ENPP1: variants seen among roughly 807,000 people sequenced by gnomAD.
ENPP1 encodes the protein ectonucleotide pyrophosphatase/phosphodiesterase 1, also known as ectonucleotide pyrophosphatase/phosphodiesterase family member 1.
Under a neutral mutation model 122.8 loss-of-function variants are expected in ENPP1, and 73 were observed. The observed-to-expected ratio is 0.59, with a 90% CI of 0.49 to 0.72. The LOEUF is 0.72. Ranked by LOEUF, ENPP1 falls within the 30% of genes least tolerant of loss-of-function variation. ENPP1 has a pLI of 0.00. For synonymous variants in ENPP1, 367 were observed against 391.6 expected (o/e 0.94, Z 0.74); for missense variants, 978 against 1,128.1 (o/e 0.87, Z 1.91).
At chr6:131,877,379 T>C (rs1474414692) in intron 18 of ENPP1, 3 of 573,060 alleles carry the variant, frequency 5.2e-6, no homozygotes, top group African/African-American at 1.9e-5. Context: ...TCCTTGGAGC[T>C]GTGACTTGAC....
intron 1 of ENPP1, among the ~76,000 whole-genome samples, chr6:131,836,744 T>A (rs903565195): frequency 2.6e-5 from 4 of 152,222 alleles, no homozygotes; most frequent in Non-Finnish European, 2.9e-5. Context: ...AAAATTGCTG[T>A]GATAAGTCTT....
intron 1 of ENPP1, among the ~76,000 whole-genome samples, chr6:131,843,454 T>C (rs1415270351): frequency 1.3e-5 from 2 of 152,184 alleles, no homozygotes; most frequent in Non-Finnish European, 2.9e-5. Context: ...ATAAACCATG[T>C]GTATTTTAAA....
chr6:131,810,328 A>G (rs144132586), intron 1 of ENPP1, among the ~76,000 whole-genome samples: 5 of 152,298 alleles, frequency 3.3e-5, no homozygotes, highest in South Asian at 4.1e-4. Flanking sequence ...ACTGCACTTC[A>G]GCTTGGGTGA....
rs550926981 is a variant in ENPP1 at position 131,850,683 on chromosome 6, C to G, written c.431-459C>G. On this transcript the variant is annotated intron_variant, in intron 3 of 24. Coordinates refer to ENST00000647893, the MANE Select transcript of ENPP1 (RefSeq NM_006208.3). ...TCCTGGGCTCAAGAGATCCTCCTGC[C>G]TCAGCCTCCCAAGTAGCTGGAACTA... Among the ~76,000 whole-genome samples the G allele has an allele frequency of 1.8e-4, 27 of 152,278 alleles. 1 individual carries two copies. In the South Asian group the frequency reaches 5.4e-3, roughly 30 times the overall value.
At chr6:131,843,381 G>T (rs56063683) in intron 1 of ENPP1, among the ~76,000 whole-genome samples, 3,425 of 152,246 alleles carry the variant, frequency 0.022, 148 homozygotes, top group African/African-American at 0.078. Flanking sequence ...TAATAATGAA[G>T]AGGTGATTTT....
rs746150115 is a variant in ENPP1 at position 131,851,275 on chromosome 6, G to C, written c.556+8G>C. 1 of 1,614,090 alleles carries C rather than the reference G, an allele frequency of 6.2e-7. No individual in the cohort carries two copies. Among genetic ancestry groups the C allele is most frequent in the Non-Finnish European group, 8.5e-7 (1 of 1,179,950 alleles). On this transcript the variant is annotated splice_region_variant and intron_variant, in intron 4 of 24. Transcript: ENST00000647893. ...ACAGTTCTGTGTGTCAAGGTCAGGT[G>C]CTCGTTGGGCTCTGCAGCAGCCTGG...
At chr6:131,886,838 A>G (rs888534354) in intron 24 of ENPP1, 114 bp downstream of exon 24, 15 of 777,872 alleles carry the variant, frequency 1.9e-5, no homozygotes, top group Non-Finnish European at 2.3e-5. Context: ...GTACACATGG[A>G]CTTCGAAATT....
Position 131,882,058 on chromosome 6 carries a change from T to A in ENPP1, c.2101-287T>A, listed in dbSNP as rs116115890. Among the ~76,000 whole-genome samples the A allele has an allele frequency of 9.8e-3, 1,482 of 151,262 alleles. 36 individuals are homozygous for A. The highest frequency in any genetic ancestry group is 0.032 in the African/African-American group (1,301 of 41,232). ...ATAAATAAATAAATAAATAAATAAA[T>A]ATTTAAAATTGTGTAGATAAAATCA... On this transcript the variant is annotated intron_variant, in intron 20 of 24. Coordinates refer to ENST00000647893, the MANE Select transcript of ENPP1 (RefSeq NM_006208.3).
At chr6:131,855,143 C>A (rs1346869406) in intron 6 of ENPP1, 120 bp downstream of exon 6, 4 of 767,444 alleles carry the variant, frequency 5.2e-6, no homozygotes, top group Non-Finnish European at 7.0e-6. Context: ...TTTTCTATGG[C>A]AAAGTAGTTG....
At chr6:131,823,579 T>A (rs1181886009) in intron 1 of ENPP1, among the ~76,000 whole-genome samples, 3 of 152,100 alleles carry the variant, frequency 2.0e-5, no homozygotes, top group African/African-American at 7.2e-5. Context: ...ATCTGTTTTC[T>A]ACCCCACCGT....
chr6:131,862,821 TA>T (rs1466422597), intron 9 of ENPP1, among the ~76,000 whole-genome samples: 1 of 152,220 alleles, frequency 6.6e-6, no homozygotes, highest in African/African-American at 2.4e-5. Flanking sequence ...GCATGGCCCC[TA>T]AACTATAATT....
At chr6:131,815,247 C>T (rs913478393) in intron 1 of ENPP1, among the ~76,000 whole-genome samples, 27 of 152,292 alleles carry the variant, frequency 1.8e-4, no homozygotes, top group South Asian at 2.1e-4. Context: ...GGTACAGACA[C>T]TCCAAGTGTG....
Position 131,847,856 on chromosome 6 carries a change from G to GGTGTGTGT in ENPP1, c.313+39_313+46dup, listed in dbSNP as rs59956343. 4.3e-4 allele frequency: 507 copies of GGTGTGTGT among 1,181,914 alleles called. 1 individual carries two copies. The highest frequency in any genetic ancestry group is 2.3e-3 in the African/African-American group (133 of 58,794). The allele number at this position is 1,181,914 out of a possible 1,614,324, so 73.2% of individuals were successfully genotyped here. A position where few individuals can be genotyped will look rare whatever the true frequency, so the allele number is the denominator to read the frequency against. On this transcript the variant is annotated intron_variant, in intron 2 of 24. Coordinates refer to ENST00000647893, the MANE Select transcript of ENPP1 (RefSeq NM_006208.3). ...CAAGCTGTGCCAAAGAAGGTAATTA[G>GGTGTGTGT]GTGTGTGTGTGTGTGTGTGTGTGTG...
chr6:131,847,975 C>T, intron 2 of ENPP1, 127 bp downstream of exon 2: 1 of 687,492 alleles, frequency 1.5e-6, no homozygotes, highest in Non-Finnish European at 2.4e-6. Context: ...TAGATATTGT[C>T]AATTCAACGC....
intron 24 of ENPP1, among the ~76,000 whole-genome samples, chr6:131,889,870 T>A (rs1397849277): frequency 6.6e-6 from 1 of 152,206 alleles, no homozygotes; most frequent in Non-Finnish European, 1.5e-5. Context: ...TGCCACACTG[T>A]CTTCCACAGT....
At chr6:131,836,785 AC>A (rs1781680122) in intron 1 of ENPP1, among the ~76,000 whole-genome samples, 1 of 152,204 alleles carries the variant, frequency 6.6e-6, no homozygotes. Context: ...TCCTGTCTTA[AC>A]ATTACTCATT....
intron 7 of ENPP1, 65 bp downstream of exon 7, chr6:131,858,812 G>A (rs1781981390): frequency 3.5e-6 from 4 of 1,153,862 alleles, no homozygotes; most frequent in East Asian, 4.7e-5. Context: ...CATTTTTTGA[G>A]GGAATAGATT....
At chr6:131,873,102 AGGGTAACCATT>A (rs746501069) in intron 15 of ENPP1, 52 bp downstream of exon 15, 1 of 1,600,182 alleles carries the variant, frequency 6.2e-7, no homozygotes, top group South Asian at 1.1e-5. Context: ...TTAGTGATTC[AGGGTAACCATT>A]GGGCCCTTTC....
chr6:131,822,813 G>A (rs895143785), intron 1 of ENPP1, among the ~76,000 whole-genome samples: 1 of 151,938 alleles, frequency 6.6e-6, no homozygotes, highest in Non-Finnish European at 1.5e-5. Context: ...TAGCTTTTTG[G>A]TACATGTTTG....
Sources: gnomAD v4.1 joint callset for allele counts (sites outside exome capture counted in the v4.1 genomes callset) on GRCh38, gnomAD v4.1.1 for gene constraint, MANE v1.5 for transcripts, NCBI Gene and HGNC (gene_info 2026-07-23, HGNC 2026-07-21) for gene names.